CMTM4: variants seen among roughly 807,000 people sequenced by gnomAD.
CMTM4 encodes CKLF-like MARVEL transmembrane domain-containing protein 4.
CMTM4 carries 8 observed loss-of-function variants against 19.0 expected under a neutral mutation model. That is an observed-to-expected ratio of 0.42 (90% CI 0.25 to 0.76). CMTM4 has a LOEUF of 0.76. CMTM4 is among the 30% of genes least tolerant of loss of function. The pLI is 0.27. For synonymous variants in CMTM4, 106 were observed against 121.1 expected, an observed-to-expected ratio of 0.88 and a Z score of 0.82; for missense variants, 228 against 290.2, an observed-to-expected ratio of 0.79 and a Z score of 1.56.
chr16:66,693,014 A>G (rs2017164740), intron 1 of CMTM4, among the ~76,000 whole-genome samples: 1 of 152,018 alleles, frequency 6.6e-6, no homozygotes, highest in African/African-American at 2.4e-5. Flanking sequence ...ACCTAACGTC[A>G]GAAGTTTGAG....
At chr16:66,632,871 T>G (rs1451272557) in intron 2 of CMTM4, among the ~76,000 whole-genome samples, 2 of 151,356 alleles carry the variant, frequency 1.3e-5, no homozygotes, top group Non-Finnish European at 2.9e-5. Context: ...TCACCTGAGG[T>G]TGGGAGTCCA....
At chr16:66,694,359 T>C (rs576648460) in intron 1 of CMTM4, among the ~76,000 whole-genome samples, 1 of 152,232 alleles carries the variant, frequency 6.6e-6, no homozygotes, top group South Asian at 2.1e-4. Flanking sequence ...CATTTCTAAT[T>C]ATCTGTACGG....
the CMTM4 span, chr16:66,609,556 A>G: frequency 1.4e-5 from 22 of 1,568,886 alleles, no homozygotes; most frequent in Non-Finnish European, 1.9e-5. This position sits in a 1 kb window ranked among gnomAD's most constrained non-coding sequence, Gnocchi z 4.4. Context: ...ACCCCTCTGG[A>G]AACTGCAGAT....
At chr16:66,633,927 C>T (rs1053383479) in intron 2 of CMTM4, among the ~76,000 whole-genome samples, 3 of 151,918 alleles carry the variant, frequency 2.0e-5, no homozygotes, top group Admixed American at 6.6e-5. Context: ...AAGTCTAGAA[C>T]GGATCCCAAA....
In CMTM4 at chr16:66,670,461, CGT is replaced by C. The variant is rs1567425663; in HGVS notation, c.186+25877_186+25878del. On this transcript the variant is annotated intron_variant, in intron 1 of 3. Coordinates refer to ENST00000394106, the MANE Select transcript of CMTM4 (RefSeq NM_181521.3). Reference sequence around the variant, plus strand: ...TCTCAAAAAAAAAAAAAAAAAAAATCGTGCACTTCTCTATACGTATATTGCAC... The same window carrying C: ...TCTCAAAAAAAAAAAAAAAAAAAATCGCACTTCTCTATACGTATATTGCAC... Among the ~76,000 whole-genome samples, 9 of 137,292 alleles carry C rather than the reference CGT, an allele frequency of 6.6e-5. No individual in the cohort carries two copies. In the East Asian group the frequency reaches 1.7e-3, roughly 27 times the overall value. The allele number at this position is 137,292 out of a possible 152,430, so 90.1% of individuals were successfully genotyped here.
Position 66,616,424 on chromosome 16 carries a change from A to G in CMTM4, c.*5634T>C, listed in dbSNP as rs1179608792. ...GAGGGAACCACGTCAAACAAAATCA[A>G]GTTAGGAAAAGCACTGATTTTATCC... On this transcript the variant is annotated 3_prime_UTR_variant, in exon 4 of 4. Coordinates refer to ENST00000394106, the MANE Select transcript of CMTM4 (RefSeq NM_181521.3). The G allele has an allele frequency of 6.6e-6, 1 of 152,216 alleles. No individual in the cohort carries two copies. Among genetic ancestry groups the G allele is most frequent in the East Asian group, 1.9e-4 (1 of 5,194 alleles). The allele number at this position is 152,216 out of a possible 1,614,324, so 9.4% of individuals were successfully genotyped here.
At chr16:66,605,995 C>T in the CMTM4 span, among the ~76,000 whole-genome samples, 1 of 152,018 alleles carries the variant, frequency 6.6e-6, no homozygotes, top group East Asian at 1.9e-4. The surrounding 1 kb of genome is among the most constrained non-coding windows in gnomAD (Gnocchi z 4.6). Flanking sequence ...GGAGAAGCCT[C>T]GAATCCACCG....
At chr16:66,690,864 T>C (rs1355483744) in intron 1 of CMTM4, among the ~76,000 whole-genome samples, 1 of 152,154 alleles carries the variant, frequency 6.6e-6, no homozygotes, top group Non-Finnish European at 1.5e-5. Flanking sequence ...CCCAGCACTT[T>C]GGGAGACCAA....
intron 1 of CMTM4, among the ~76,000 whole-genome samples, chr16:66,682,179 T>A (rs1466985654): frequency 6.6e-6 from 1 of 152,200 alleles, no homozygotes; most frequent in Non-Finnish European, 1.5e-5. Context: ...GTATATAAAG[T>A]ATGGATTTTT....
chr16:66,648,436 A>C (rs1456639025), intron 1 of CMTM4, among the ~76,000 whole-genome samples: 3 of 152,198 alleles, frequency 2.0e-5, no homozygotes, highest in Non-Finnish European at 4.4e-5. Flanking sequence ...AGGCTGGTGG[A>C]TCAACTGAGG....
chr16:66,634,795 C>G (rs960026539), intron 2 of CMTM4, among the ~76,000 whole-genome samples: 3 of 152,126 alleles, frequency 2.0e-5, no homozygotes, highest in African/African-American at 4.8e-5. Flanking sequence ...ATTATCTCCA[C>G]TTTACCAGTG....
the CMTM4 span, chr16:66,604,796 C>T: frequency 8.0e-7 from 1 of 1,248,078 alleles, no homozygotes. Flanking sequence ...GCCCTACCGC[C>T]GCCGCCGCCA....
chr16:66,648,434 G>T (rs2016246996), intron 1 of CMTM4, among the ~76,000 whole-genome samples: 1 of 152,104 alleles, frequency 6.6e-6, no homozygotes, highest in African/African-American at 2.4e-5. Context: ...CGAGGCTGGT[G>T]GATCAACTGA....
chr16:66,620,754 A>AG lies in CMTM4; in HGVS notation c.*1303_*1304insC. The AG allele has an allele frequency of 1.0e-6, 1 of 985,866 alleles. No homozygotes were observed. The highest frequency in any genetic ancestry group is 1.7e-5 in the African/African-American group (1 of 57,364). The allele number at this position is 985,866 out of a possible 1,614,324, so 61.1% of individuals were successfully genotyped here. ...TAGAGCTAAAGTGAGGTTTGTAAAC[A>AG]TTAAAAACAGTTCAAAGAGGGAAAA... On this transcript the variant is annotated 3_prime_UTR_variant, in exon 4 of 4. Coordinates refer to ENST00000394106, the MANE Select transcript of CMTM4 (RefSeq NM_181521.3).
intron 1 of CMTM4, among the ~76,000 whole-genome samples, chr16:66,640,609 C>T (rs2016081810): frequency 6.6e-6 from 1 of 152,144 alleles, no homozygotes; most frequent in East Asian, 1.9e-4. Flanking sequence ...AGCTACTTTG[C>T]GGAGAACAGA....
chr16:66,691,034 T>C (rs1030538499), intron 1 of CMTM4, among the ~76,000 whole-genome samples: 1 of 152,166 alleles, frequency 6.6e-6, no homozygotes, highest in Non-Finnish European at 1.5e-5. Context: ...GGAGGCTCCC[T>C]TGAGCCCAGA....
chr16:66,674,729 A>ATTTT (rs1300472329), intron 1 of CMTM4, among the ~76,000 whole-genome samples: 5 of 111,502 alleles, frequency 4.5e-5, no homozygotes, highest in African/African-American at 1.1e-4. Context: ...GGTGTTACAT[A>ATTTT]TTCTTTTTTT....
chr16:66,608,181 C>T, the CMTM4 span: 15 of 964,046 alleles, frequency 1.6e-5, no homozygotes, highest in East Asian at 1.2e-4. The surrounding 1 kb of genome is among the most constrained non-coding windows in gnomAD (Gnocchi z 5.1). Context: ...TTCCCAGCTG[C>T]GGGACTGTGA....
chr16:66,634,495 A>C (rs1206903395), intron 2 of CMTM4, among the ~76,000 whole-genome samples: 2 of 152,098 alleles, frequency 1.3e-5, no homozygotes, highest in African/African-American at 4.8e-5. Context: ...TCTGGGGATA[A>C]ACGCTGGTAT....
Sources: allele counts gnomAD v4.1 joint callset (sites outside exome capture counted in the v4.1 genomes callset), GRCh38; gene constraint gnomAD v4.1.1; non-coding constraint Gnocchi (gnomAD v3.1); transcripts MANE v1.5; gene names NCBI Gene and HGNC (gene_info 2026-07-23, HGNC 2026-07-21).